Variants in KCND2 observed in about 807,000 individuals in gnomAD.
KCND2 encodes the protein potassium voltage-gated channel subfamily D member 2.
A neutral mutation model predicts 54.4 loss-of-function variants in KCND2; 16 were observed. The ratio of observed to expected loss-of-function variants is 0.29; its 90% CI spans 0.20 to 0.45. The LOEUF (loss-of-function observed/expected upper bound fraction) is 0.45, where lower values mean the gene tolerates loss of function less well. KCND2 is among the 20% of genes least tolerant of loss of function. The pLI, the probability that KCND2 is intolerant of heterozygous loss-of-function variation, is 1.00. For synonymous variants in KCND2, 317 were observed against 310.7 expected (o/e 1.02, Z -0.21); for missense variants, 486 against 824.2 (o/e 0.59, Z 5.02).
rs145740241 is a variant in KCND2 at position 120,477,879 on chromosome 7, G to A, written c.1115+202132G>A. ...AGTATCTATAATTATTACAAGGCAC[G>A]CAAACTGAAGTCAAAACTGGTAAGA... On this transcript the variant is annotated intron_variant, in intron 1 of 5. Coordinates refer to ENST00000331113, the MANE Select transcript of KCND2 (RefSeq NM_012281.3). Among the ~76,000 whole-genome samples the A allele has an allele frequency of 5.0e-3, 766 of 152,210 alleles. 4 individuals are homozygous for A. Among genetic ancestry groups the A allele is most frequent in the African/African-American group, 0.017 (709 of 41,530 alleles).
intron 1 of KCND2, among the ~76,000 whole-genome samples, chr7:120,340,090 A>T (rs924840886): frequency 6.6e-6 from 1 of 152,202 alleles, no homozygotes; most frequent in Admixed American, 6.5e-5. Context: ...GAGATGAAGA[A>T]CTAGTAGGGG....
intron 1 of KCND2, among the ~76,000 whole-genome samples, chr7:120,643,573 C>T (rs982239913): frequency 2.0e-5 from 3 of 151,868 alleles, no homozygotes; most frequent in Non-Finnish European, 4.4e-5. Context: ...AAATGAATGA[C>T]TTTGGGTAAA....
chr7:120,462,610 G>A (rs188788912), intron 1 of KCND2, among the ~76,000 whole-genome samples: 2 of 151,966 alleles, frequency 1.3e-5, no homozygotes. Flanking sequence ...TAATATTAAA[G>A]GAAATAAAAT....
At chr7:120,613,828 A>G (rs1262057554) in intron 1 of KCND2, among the ~76,000 whole-genome samples, 1 of 152,170 alleles carries the variant, frequency 6.6e-6, no homozygotes, top group Non-Finnish European at 1.5e-5. Context: ...TATACTAACC[A>G]AAGTTGAATT....
intron 2 of KCND2, among the ~76,000 whole-genome samples, chr7:120,737,839 A>G (rs962654903): frequency 2.6e-5 from 4 of 152,014 alleles, no homozygotes; most frequent in African/African-American, 9.7e-5. Flanking sequence ...AAACACCTTC[A>G]TTACCTCACT....
chr7:120,391,910 CT>C (rs1364106034), intron 1 of KCND2, among the ~76,000 whole-genome samples: 59 of 152,114 alleles, frequency 3.9e-4, no homozygotes, highest in Non-Finnish European at 1.5e-5. Context: ...AGAAGAAGCT[CT>C]TTAGTTTAAT....
chr7:120,328,749 G>A (rs1800018963), intron 1 of KCND2, among the ~76,000 whole-genome samples: 3 of 151,978 alleles, frequency 2.0e-5, no homozygotes, highest in Non-Finnish European at 4.4e-5. Flanking sequence ...ATCATTTTCT[G>A]AGCTCATGTA....
chr7:120,274,356 C>G lies in KCND2; in HGVS notation c.-277C>G, dbSNP rs1799140005. On this transcript the variant is annotated 5_prime_UTR_variant, in exon 1 of 6. Coordinates refer to ENST00000331113, the MANE Select transcript of KCND2 (RefSeq NM_012281.3). ...TTATTTGTGCCAGAGGGTGGCCTAG[C>G]CCACCTGCAGGAAGAGATTTGGCTG... 1.4e-5 allele frequency: 8 copies of G among 559,090 alleles called. No individual in the cohort carries two copies. In the South Asian group the frequency reaches 1.7e-4, roughly 12 times the overall value. 34.6% of individuals were successfully genotyped at this position (559,090 alleles called of 1,614,324 possible).
intron 1 of KCND2, among the ~76,000 whole-genome samples, chr7:120,386,046 C>A (rs771360484): frequency 1.3e-5 from 2 of 152,048 alleles, no homozygotes; most frequent in African/African-American, 4.8e-5. Context: ...GTGCAAGGCT[C>A]ACCTTTTCTG....
intron 1 of KCND2, among the ~76,000 whole-genome samples, chr7:120,643,426 G>T (rs1584866820): frequency 6.6e-6 from 1 of 152,012 alleles, no homozygotes; most frequent in Non-Finnish European, 1.5e-5. Context: ...ATACTCAAAT[G>T]CAAAAGCAAG....
chr7:120,294,156 C>G (rs142272619), intron 1 of KCND2, among the ~76,000 whole-genome samples: 2,282 of 151,846 alleles, frequency 0.015, 31 homozygotes, highest in Middle Eastern at 0.041. Context: ...TTTATTTCAT[C>G]TTAGTACAGA....
At chr7:120,487,391 A>G (rs1214033076) in intron 1 of KCND2, among the ~76,000 whole-genome samples, 1 of 152,182 alleles carries the variant, frequency 6.6e-6, no homozygotes, top group African/African-American at 2.4e-5. Flanking sequence ...AGTGAAAGAA[A>G]TGGGATAGAA....
At chr7:120,493,308 T>C (rs1802809549) in intron 1 of KCND2, among the ~76,000 whole-genome samples, 1 of 151,890 alleles carries the variant, frequency 6.6e-6, no homozygotes, top group Non-Finnish European at 1.5e-5. Context: ...ATATTTTCCT[T>C]CTTTTCTTAA....
chr7:120,483,201 T>C (rs566705969), intron 1 of KCND2, among the ~76,000 whole-genome samples: 1 of 152,272 alleles, frequency 6.6e-6, no homozygotes, highest in South Asian at 2.1e-4. Flanking sequence ...ACTATCAGAG[T>C]CTTTAAAAAT....
At chr7:120,693,213 A>G (rs1027116585) in intron 1 of KCND2, among the ~76,000 whole-genome samples, 1 of 152,208 alleles carries the variant, frequency 6.6e-6, no homozygotes, top group African/African-American at 2.4e-5. Context: ...CTACTCTAGC[A>G]TAGTTTATTT....
intron 2 of KCND2, among the ~76,000 whole-genome samples, chr7:120,733,540 T>A (rs1266867767): frequency 6.6e-6 from 1 of 152,060 alleles, no homozygotes; most frequent in Non-Finnish European, 1.5e-5. Context: ...AGTAGCAAAA[T>A]CAGAAACAGA....
intron 1 of KCND2, among the ~76,000 whole-genome samples, chr7:120,475,935 A>AT (rs1400312839): frequency 6.6e-6 from 1 of 152,228 alleles, no homozygotes; most frequent in African/African-American, 2.4e-5. Flanking sequence ...GAAAATGATT[A>AT]TGGTAAGATG....
At chr7:120,636,663 A>G (rs1312403609) in intron 1 of KCND2, among the ~76,000 whole-genome samples, 1 of 152,142 alleles carries the variant, frequency 6.6e-6, no homozygotes, top group Non-Finnish European at 1.5e-5. Context: ...TTGCCTATAT[A>G]AGTGGATGAA....
chr7:120,416,801 T>C (rs1801531243), intron 1 of KCND2, among the ~76,000 whole-genome samples: 1 of 151,008 alleles, frequency 6.6e-6, no homozygotes, highest in Admixed American at 6.6e-5. Flanking sequence ...AAGCAAGTAC[T>C]TTAAAAATAA....
Sources: allele counts gnomAD v4.1 joint callset (sites outside exome capture counted in the v4.1 genomes callset), GRCh38; gene constraint gnomAD v4.1.1; transcripts MANE v1.5; gene names NCBI Gene and HGNC (gene_info 2026-07-23, HGNC 2026-07-21).